Variants in CFAP61 observed in about 807,000 individuals in gnomAD.
CFAP61 encodes the protein cilia and flagella associated protein 61, also known as cilia- and flagella-associated protein 61.
Under a neutral mutation model 135.6 loss-of-function variants are expected in CFAP61, and 107 were observed. The ratio of observed to expected loss-of-function variants is 0.79; its 90% CI spans 0.67 to 0.93. The LOEUF (loss-of-function observed/expected upper bound fraction) is 0.93, where lower values mean the gene tolerates loss of function less well. Ranked by LOEUF, CFAP61 falls within the 40% of genes least tolerant of loss-of-function variation. The pLI is 0.00. For missense variants in CFAP61, 1,507 were observed against 1,556.2 expected, an observed-to-expected ratio of 0.97 and a Z score of 0.53; for synonymous variants, 575 against 578.5, an observed-to-expected ratio of 0.99 and a Z score of 0.09.
intron 20 of CFAP61, among the ~76,000 whole-genome samples, chr20:20,260,170 G>A (rs2052040436): frequency 6.6e-6 from 1 of 152,174 alleles, no homozygotes. Flanking sequence ...TAAATCTGCT[G>A]TTCAATGAAA....
chr20:20,069,160 G>A (rs1362998784), intron 2 of CFAP61, among the ~76,000 whole-genome samples: 8 of 152,192 alleles, frequency 5.3e-5, no homozygotes, highest in Non-Finnish European at 8.8e-5. Flanking sequence ...TACAGGAAGC[G>A]CATGTGTGTG....
intron 3 of CFAP61, among the ~76,000 whole-genome samples, chr20:20,072,288 T>A (rs1435220171): frequency 1.3e-5 from 2 of 151,796 alleles, no homozygotes; most frequent in Non-Finnish European, 2.9e-5. Flanking sequence ...CTAATTTTTT[T>A]GTATTTTTAG....
At chr20:20,290,194 G>A (rs1049454791) in intron 23 of CFAP61, 106 bp from the exon 24 acceptor site, 4 of 745,812 alleles carry the variant, frequency 5.4e-6, no homozygotes, top group Admixed American at 2.0e-5. Flanking sequence ...AGTTTGAGGA[G>A]CATACGCCAC....
chr20:20,302,732 G>A (rs2056187032), intron 25 of CFAP61, among the ~76,000 whole-genome samples: 1 of 152,116 alleles, frequency 6.6e-6, no homozygotes, highest in South Asian at 2.1e-4. Context: ...AATTTGAAAG[G>A]GAAAGTGTTC....
Position 20,196,702 on chromosome 20 carries a change from C to T in CFAP61, c.1723C>T (p.Leu575=), listed in dbSNP as rs1360015629. Residue 575 remains leucine (L), a synonymous_variant, in exon 16 of 27, where the codon CTG becomes TTG. Coordinates refer to ENST00000245957, the MANE Select transcript of CFAP61 (RefSeq NM_015585.4). The stretch of plus-strand genomic sequence containing the variant: ...TTTCCGGCACTACACCAAGTTCTTT[C>T]TGAAGGAGATCCTGCGTTTAGGCTT... The part of the protein sequence containing the change: ...PIFRHYTKFF[L]KEILRLGFKS... The T allele has an allele frequency of 6.2e-7, 1 of 1,614,060 alleles. No individual in the cohort carries two copies.
chr20:20,174,132 C>G (rs1259480096), intron 13 of CFAP61, among the ~76,000 whole-genome samples: 1 of 152,154 alleles, frequency 6.6e-6, no homozygotes, highest in African/African-American at 2.4e-5. Flanking sequence ...TGATGTATAC[C>G]TGGGTTCTTT....
chr20:20,194,679 T>A (rs2056161394), intron 15 of CFAP61, among the ~76,000 whole-genome samples: 1 of 152,174 alleles, frequency 6.6e-6, no homozygotes, highest in Non-Finnish European at 1.5e-5. Context: ...CCCCTGTCAC[T>A]GGTAATGCCA....
chr20:20,066,548 ACCATCATT>A (rs1482387468), intron 2 of CFAP61, among the ~76,000 whole-genome samples: 3 of 152,188 alleles, frequency 2.0e-5, no homozygotes, highest in Non-Finnish European at 4.4e-5. Flanking sequence ...GACGCTGGAA[ACCATCATT>A]CTCAGCAAAC....
At chr20:20,143,828 T>G (rs1178536081) in intron 9 of CFAP61, among the ~76,000 whole-genome samples, 1 of 152,158 alleles carries the variant, frequency 6.6e-6, no homozygotes, top group Non-Finnish European at 1.5e-5. Flanking sequence ...AGCAGATCAG[T>G]CAGGCAGTCA....
intron 25 of CFAP61, among the ~76,000 whole-genome samples, chr20:20,339,599 A>G (rs2058360994): frequency 6.6e-6 from 1 of 152,010 alleles, no homozygotes; most frequent in African/African-American, 2.4e-5. Flanking sequence ...CCTCCCTAGT[A>G]GCTGGGACCA....
chr20:20,234,063 C>T (rs2049380514), intron 18 of CFAP61, among the ~76,000 whole-genome samples: 1 of 152,194 alleles, frequency 6.6e-6, no homozygotes, highest in South Asian at 2.1e-4. Context: ...ACATTGGTAC[C>T]TGTCTTGGTT....
At chr20:20,189,725 C>T (rs1464145988) in intron 14 of CFAP61, among the ~76,000 whole-genome samples, 1 of 152,142 alleles carries the variant, frequency 6.6e-6, no homozygotes, top group African/African-American at 2.4e-5. Context: ...TCTAGTGTTG[C>T]TGGTGGGAAA....
At position 20,307,247 on chromosome 20, in the gene CFAP61, A is replaced by T. The variant is rs941893528; in HGVS notation, c.3422+8861A>T. Among the ~76,000 whole-genome samples, 3 of 152,240 alleles carry T rather than the reference A, an allele frequency of 2.0e-5. No individual in the cohort carries two copies. The East Asian group carries it at 5.8e-4, about 29-fold the overall frequency. On this transcript the variant is annotated intron_variant, in intron 25 of 26. Transcript: ENST00000245957. ...AGACTAAGACCAACAGAGGGGTCAA[A>T]TTCCTGCGTTCTTGCTTATCAGCTT...
chr20:20,330,310 A>T (rs2057933285), intron 25 of CFAP61, among the ~76,000 whole-genome samples: 1 of 152,094 alleles, frequency 6.6e-6, no homozygotes, highest in Non-Finnish European at 1.5e-5. Context: ...TACAGGAGGT[A>T]CATCTCAATT....
chr20:20,118,771 G>A (rs929026969), intron 8 of CFAP61, among the ~76,000 whole-genome samples: 1 of 151,992 alleles, frequency 6.6e-6, no homozygotes, highest in Non-Finnish European at 1.5e-5. Context: ...TTTTGTTAAT[G>A]GGATGTATCA....
intron 26 of CFAP61, among the ~76,000 whole-genome samples, chr20:20,347,791 G>A (rs140876471): frequency 0.014 from 2,180 of 151,936 alleles, 55 homozygotes; most frequent in African/African-American, 0.05. Flanking sequence ...AAATTAGCCC[G>A]TCATGGTGGC....
At chr20:20,085,220 G>A in intron 6 of CFAP61, 2 of 985,392 alleles carry the variant, frequency 2.0e-6, no homozygotes, top group Non-Finnish European at 2.4e-6. Context: ...TCCTGACTTT[G>A]ACAGGCAGCG....
chr20:20,060,725 A>T (rs1375497103), intron 2 of CFAP61, among the ~76,000 whole-genome samples: 1 of 152,154 alleles, frequency 6.6e-6, no homozygotes, highest in Non-Finnish European at 1.5e-5. Context: ...CAGAAGTGAG[A>T]CTCTATTTGA....
In CFAP61 at chr20:20,128,074, G is replaced by A. The variant is rs1021194149; in HGVS notation, c.860-14783G>A. 5.9e-5 allele frequency among the ~76,000 whole-genome samples: 9 copies of A among 151,652 alleles called. 1 individual carries two copies. Among genetic ancestry groups the A allele is most frequent in the South Asian group, 2.1e-4 (1 of 4,828 alleles). On this transcript the variant is annotated intron_variant, in intron 8 of 26. Transcript: ENST00000245957. Reference sequence around the variant, plus strand: ...AGTAGTCTGTTTCCATGTGATGGGCGAGCTAGGCTTGAGAACTTGCCCCAG... The same window carrying A: ...AGTAGTCTGTTTCCATGTGATGGGCAAGCTAGGCTTGAGAACTTGCCCCAG...
Sources: allele counts gnomAD v4.1 joint callset (sites outside exome capture counted in the v4.1 genomes callset), GRCh38; gene constraint gnomAD v4.1.1; transcripts MANE v1.5; gene names NCBI Gene and HGNC (gene_info 2026-07-23, HGNC 2026-07-21).